Variants in STAB2 observed in about 807,000 individuals in gnomAD.
STAB2 encodes the protein stabilin-2.
STAB2 carries 288 observed loss-of-function variants against 338.1 expected under a neutral mutation model. The ratio of observed to expected loss-of-function variants is 0.85; its 90% CI spans 0.77 to 0.94. The LOEUF is 0.94. Among genes scored for constraint, STAB2 ranks in the 40% least tolerant of loss-of-function variants. The pLI is 0.00. For synonymous variants in STAB2, 1,202 were observed against 1,193.3 expected (o/e 1.01, Z -0.15); for missense variants, 3,141 against 3,210.1 (o/e 0.98, Z 0.52).
At position 103,652,487 on chromosome 12, in the gene STAB2, A is replaced by T. The variant is rs1260000864; in HGVS notation, c.1258-69A>T. ...GCTTTGATGTCTTTGATAATAAGTA[A>T]GGCACAGCATGTGTTACAAAACTCA... On this transcript the variant is annotated intron_variant, in intron 11 of 68. Coordinates refer to ENST00000388887, the MANE Select transcript of STAB2 (RefSeq NM_017564.10). The T allele has an allele frequency of 1.1e-5, 15 of 1,409,324 alleles. No homozygotes were observed. In the Admixed American group the frequency reaches 3.9e-4, roughly 37 times the overall value. 87.3% of individuals were successfully genotyped at this position (1,409,324 alleles called of 1,614,324 possible). A position where few individuals can be genotyped will look rare whatever the true frequency, so the allele number is the denominator to read the frequency against.
intron 33 of STAB2, 104 bp from the exon 34 acceptor site, chr12:103,698,992 G>T: frequency 7.2e-7 from 1 of 1,390,594 alleles, no homozygotes; most frequent in Non-Finnish European, 9.6e-7. Context: ...ACTTGGACAA[G>T]CTGTTGTTCC....
intron 18 of STAB2, among the ~76,000 whole-genome samples, chr12:103,665,300 T>C (rs1217072864): frequency 6.6e-6 from 1 of 152,198 alleles, no homozygotes; most frequent in Non-Finnish European, 1.5e-5. Context: ...CCTTTGGCCA[T>C]GTATGTTTGG....
intron 3 of STAB2, among the ~76,000 whole-genome samples, chr12:103,612,578 G>C (rs1190877771): frequency 1.3e-5 from 2 of 152,124 alleles, no homozygotes; most frequent in Non-Finnish European, 2.9e-5. Flanking sequence ...ATTCTAGTTA[G>C]CCATTCATCT....
At chr12:103,700,404 G>C (rs1336978805) in intron 34 of STAB2, among the ~76,000 whole-genome samples, 2 of 152,188 alleles carry the variant, frequency 1.3e-5, no homozygotes, top group East Asian at 3.8e-4. Flanking sequence ...AATTTCTTCA[G>C]TGGTGTCACT....
intron 67 of STAB2, 88 bp downstream of exon 67, chr12:103,762,490 C>T: frequency 6.3e-7 from 1 of 1,591,438 alleles, no homozygotes; most frequent in South Asian, 1.1e-5. Flanking sequence ...GTGGCTGCGC[C>T]AGAGTCCTCA....
At chr12:103,746,768 A>G (rs1452265072) in intron 58 of STAB2, 64 bp downstream of exon 58, 18 of 1,528,484 alleles carry the variant, frequency 1.2e-5, no homozygotes, top group Non-Finnish European at 1.4e-5. Context: ...GGACTTGCTC[A>G]CAGTGCCTGG....
intron 13 of STAB2, 149 bp downstream of exon 13, chr12:103,654,847 T>C: frequency 1.0e-6 from 1 of 996,798 alleles, no homozygotes; most frequent in East Asian, 2.6e-5. Flanking sequence ...TTTGTCTGTT[T>C]CCAATAGAAA....
rs767192468 is a variant in STAB2 at position 103,669,532 on chromosome 12, G to T, written c.2173-9G>T. On this transcript the variant is annotated splice_polypyrimidine_tract_variant and intron_variant, in intron 20 of 68. Coordinates refer to ENST00000388887, the MANE Select transcript of STAB2 (RefSeq NM_017564.10). ...GGGTTCAAAGGGGAACACGCATTTT[G>T]TTTTTCAGATTCCAAAGTGCTGCAA... 2.3e-5 allele frequency: 37 copies of T among 1,613,746 alleles called. No homozygotes were observed. The highest frequency in any genetic ancestry group is 2.9e-5 in the Non-Finnish European group (34 of 1,179,790).
At chr12:103,602,450 G>T (rs1207414433) in intron 3 of STAB2, among the ~76,000 whole-genome samples, 1 of 152,228 alleles carries the variant, frequency 6.6e-6, no homozygotes, top group East Asian at 1.9e-4. Flanking sequence ...AGGTTTTGGG[G>T]TGAATGTAAG....
chr12:103,666,201 A>C, intron 18 of STAB2, 90 bp from the exon 19 acceptor site: 1 of 1,290,800 alleles, frequency 7.7e-7, no homozygotes, highest in South Asian at 1.2e-5. Context: ...TTTCCTTCAC[A>C]GGGAGGGAAG....
chr12:103,748,025 A>C (rs556989668), intron 58 of STAB2, among the ~76,000 whole-genome samples: 56 of 152,116 alleles, frequency 3.7e-4, no homozygotes, highest in Middle Eastern at 3.4e-3. Context: ...GGGAAGAAGA[A>C]GAAGAAAACA....
intron 3 of STAB2, among the ~76,000 whole-genome samples, chr12:103,617,576 A>C (rs1957229764): frequency 6.6e-6 from 1 of 152,254 alleles, no homozygotes; most frequent in African/African-American, 2.4e-5. Flanking sequence ...ATTTGAACCC[A>C]GAACATTCTG....
chr12:103,672,305 A>T (rs1875877853), intron 22 of STAB2, among the ~76,000 whole-genome samples: 1 of 152,176 alleles, frequency 6.6e-6, no homozygotes, highest in Admixed American at 6.5e-5. Flanking sequence ...TATTAGAGGA[A>T]GAAAAAAATC....
At chr12:103,615,813 C>G (rs1288302167) in intron 3 of STAB2, among the ~76,000 whole-genome samples, 1 of 152,144 alleles carries the variant, frequency 6.6e-6, no homozygotes, top group Non-Finnish European at 1.5e-5. Flanking sequence ...GGGGAAATGC[C>G]AGACACTTAT....
chr12:103,662,975 G>A lies in STAB2; in HGVS notation c.1999G>A (p.Glu667Lys), dbSNP rs761710023. Reference sequence around the variant, plus strand: ...CCCGATTCTGCCCCATCGATGTGATGAAACAAAGAGAGAGATGAAACTGGT... The same window carrying A: ...CCCGATTCTGCCCCATCGATGTGATAAAACAAAGAGAGAGATGAAACTGGT... ...IVPILPHRCD[E>K]TKREMKLGTC... Residue 667 changes from glutamate (E) to lysine (K), a missense_variant, in exon 18 of 69, where the codon GAA becomes AAA. By Grantham distance (56) the Glu-to-Lys change is moderately conservative. Transcript: ENST00000388887. 2.0e-5 allele frequency: 32 copies of A among 1,613,966 alleles called. No individual in the cohort carries two copies. In the South Asian group the frequency reaches 3.4e-4, roughly 17 times the overall value.
intron 5 of STAB2, among the ~76,000 whole-genome samples, chr12:103,627,578 C>T (rs1390351676): frequency 6.6e-6 from 1 of 152,230 alleles, no homozygotes; most frequent in East Asian, 1.9e-4. Flanking sequence ...GTCTCCTTCC[C>T]AAGGGCATGT....
chr12:103,659,069 C>T (rs1874405106), intron 15 of STAB2, among the ~76,000 whole-genome samples: 1 of 152,204 alleles, frequency 6.6e-6, no homozygotes, highest in Admixed American at 6.5e-5. Flanking sequence ...CACATAGTAA[C>T]AGAACCAGGG....
chr12:103,707,335 C>A (rs772484469), intron 38 of STAB2, among the ~76,000 whole-genome samples: 3 of 152,364 alleles, frequency 2.0e-5, no homozygotes, highest in Non-Finnish European at 4.4e-5. Flanking sequence ...CAGATTTGCA[C>A]ATGTTATTCA....
At chr12:103,654,898 C>T in intron 13 of STAB2, 200 bp downstream of exon 13, 2 of 643,604 alleles carry the variant, frequency 3.1e-6, no homozygotes, top group Non-Finnish European at 4.9e-6. Flanking sequence ...CGTACAGTAA[C>T]ATATGTGGGA....
Sources: allele counts gnomAD v4.1 joint callset (sites outside exome capture counted in the v4.1 genomes callset), GRCh38; gene constraint gnomAD v4.1.1; transcripts MANE v1.5; gene names NCBI Gene and HGNC (gene_info 2026-07-23, HGNC 2026-07-21).